Variants in TEX11 observed in about 807,000 individuals in gnomAD.
TEX11 encodes the protein testis-expressed protein 11.
TEX11 carries 7 observed loss-of-function variants against 84.4 expected under a neutral mutation model. The ratio of observed to expected loss-of-function variants is 0.08; its 90% CI spans 0.05 to 0.16. TEX11 has a LOEUF of 0.16. TEX11 is among the 10% of genes least tolerant of loss of function. TEX11 has a pLI of 1.00. For synonymous variants in TEX11, 264 were observed against 222.8 expected (o/e 1.18, Z -1.64); for missense variants, 551 against 660.5 (o/e 0.83, Z 1.82).
chrX:70,656,015 C>T (rs1328438551), intron 16 of TEX11, among the ~76,000 whole-genome samples: 1 of 110,279 alleles, frequency 9.1e-6, no homozygotes, highest in East Asian at 2.8e-4. Flanking sequence ...AAAGAAGAAA[C>T]ACAATTGTCA....
chrX:70,529,995 T>A lies in TEX11; in HGVS notation c.2525A>T (p.Asp842Val). ...DALSHISRTK[D>V]YPEMEILWLM... ...CCAGAGAATCTCCATTTCTGGGTAG[T>A]CTTTCTATAATCCAAGAACAGAAAT... Residue 842 changes from aspartate (D) to valine (V), a missense_variant, in exon 29 of 30, where the codon GAC becomes GTC. Coordinates refer to ENST00000374333, the MANE Select transcript of TEX11 (RefSeq NM_031276.3). 2.5e-6 allele frequency: 3 copies of A among 1,205,687 alleles called. No homozygotes were observed. The highest frequency in any genetic ancestry group is 3.4e-6 in the Non-Finnish European group (3 of 892,802).
intron 2 of TEX11, among the ~76,000 whole-genome samples, chrX:70,891,804 A>C (rs1488870673): frequency 8.9e-6 from 1 of 112,152 alleles, no homozygotes; most frequent in Non-Finnish European, 1.9e-5. Context: ...GTTGGAAAAC[A>C]CACTTCAGGA....
intron 8 of TEX11, among the ~76,000 whole-genome samples, chrX:70,818,873 G>A (rs766668294): frequency 1.3e-4 from 14 of 110,983 alleles, no homozygotes; most frequent in Non-Finnish European, 2.1e-4. Flanking sequence ...TTAGAAACAT[G>A]CAGCCTAACA....
chrX:70,825,695 G>T (rs1306915099), intron 8 of TEX11, among the ~76,000 whole-genome samples: 1 of 112,395 alleles, frequency 8.9e-6, no homozygotes, highest in Non-Finnish European at 1.9e-5. Flanking sequence ...AATCACTTTG[G>T]CCGGGTGTGG....
rs778761173 is a variant in TEX11 at position 70,873,482 on chromosome X, T to A, written c.160-175A>T. Among the ~76,000 whole-genome samples, 374 of 111,784 alleles carry A rather than the reference T, an allele frequency of 3.3e-3. 1 individual carries two copies. Among genetic ancestry groups the A allele is most frequent in the Non-Finnish European group, 5.9e-3 (315 of 53,189 alleles). ...AACTTACCCACTGTTAGAGTAATTA[T>A]CTATTTCCTGAACACAACTTGTTCA... On this transcript the variant is annotated intron_variant, in intron 3 of 29. Coordinates refer to ENST00000374333, the MANE Select transcript of TEX11 (RefSeq NM_031276.3).
intron 2 of TEX11, among the ~76,000 whole-genome samples, chrX:70,907,447 C>T (rs2091839814): frequency 9.1e-6 from 1 of 110,456 alleles, no homozygotes; most frequent in Non-Finnish European, 1.9e-5. Context: ...CACTCTGTCG[C>T]CCAGGCTGGA....
chrX:70,744,122 A>G, intron 10 of TEX11, 43 bp downstream of exon 10: 1 of 840,683 alleles, frequency 1.2e-6, no homozygotes, highest in Non-Finnish European at 1.6e-6. Context: ...AAAATAAAGC[A>G]GGTTATTCAA....
intron 16 of TEX11, among the ~76,000 whole-genome samples, chrX:70,669,740 T>G (rs2090006526): frequency 8.9e-6 from 1 of 112,959 alleles, no homozygotes; most frequent in Non-Finnish European, 1.9e-5. Flanking sequence ...ATATTTCATT[T>G]GGGTTCACAC....
chrX:70,547,924 T>C (rs1295607434), intron 28 of TEX11, among the ~76,000 whole-genome samples: 2 of 111,954 alleles, frequency 1.8e-5, no homozygotes, highest in Non-Finnish European at 3.8e-5. Flanking sequence ...ACTGGGTATA[T>C]ACCCAAAGGG....
chrX:70,609,424 C>T (rs959616191), intron 21 of TEX11, among the ~76,000 whole-genome samples: 1 of 112,007 alleles, frequency 8.9e-6, no homozygotes, highest in Non-Finnish European at 1.9e-5. Context: ...TTAATTAGTG[C>T]AATCATTCAC....
chrX:70,680,351 G>T (rs2090136465), intron 14 of TEX11, among the ~76,000 whole-genome samples: 1 of 90,273 alleles, frequency 1.1e-5, no homozygotes, highest in Non-Finnish European at 2.2e-5. Flanking sequence ...GGCGGTGCAA[G>T]ATGTGCTTTG....
intron 9 of TEX11, among the ~76,000 whole-genome samples, chrX:70,762,171 A>G: frequency 8.9e-6 from 1 of 112,111 alleles, no homozygotes; most frequent in Non-Finnish European, 1.9e-5. Flanking sequence ...GAGTACTTCA[A>G]TCAGAAAGAA....
At chrX:70,879,360 T>G (rs1379888073) in intron 3 of TEX11, among the ~76,000 whole-genome samples, 1 of 111,109 alleles carries the variant, frequency 9.0e-6, no homozygotes, top group Non-Finnish European at 1.9e-5. Flanking sequence ...TAGATACTTA[T>G]ATATATAAAG....
At chrX:70,748,225 T>A (rs1042794952) in intron 9 of TEX11, among the ~76,000 whole-genome samples, 3 of 110,557 alleles carry the variant, frequency 2.7e-5, no homozygotes, top group Non-Finnish European at 5.7e-5. Flanking sequence ...AATCGACACA[T>A]CCAAGAAGCT....
At chrX:70,679,416 G>A (rs1185284488) in intron 14 of TEX11, among the ~76,000 whole-genome samples, 1 of 102,091 alleles carries the variant, frequency 9.8e-6, no homozygotes, top group Non-Finnish European at 2.0e-5. Flanking sequence ...TGGGATGTGA[G>A]GAGCCCCTCT....
chrX:70,810,985 T>C (rs1262661841), intron 8 of TEX11, among the ~76,000 whole-genome samples: 2 of 111,481 alleles, frequency 1.8e-5, no homozygotes, highest in African/African-American at 6.5e-5. Flanking sequence ...CACTTAAAAT[T>C]TACAGAACAT....
chrX:70,740,589 A>T (rs1458325516), intron 11 of TEX11, 112 bp downstream of exon 11: 1 of 462,675 alleles, frequency 2.2e-6, no homozygotes, highest in Non-Finnish European at 3.6e-6. Flanking sequence ...AGAAGAGATT[A>T]TAACAATCTG....
intron 9 of TEX11, among the ~76,000 whole-genome samples, chrX:70,777,043 TA>T (rs1190856252): frequency 6.5e-5 from 7 of 108,112 alleles, no homozygotes; most frequent in African/African-American, 2.3e-4. Context: ...TTATTATTAT[TA>T]TTATTTTTTT....
intron 14 of TEX11, among the ~76,000 whole-genome samples, chrX:70,680,588 A>G (rs887788348): frequency 9.1e-6 from 1 of 109,730 alleles, no homozygotes; most frequent in Non-Finnish European, 1.9e-5. Flanking sequence ...TTAAAAAAAA[A>G]AAAAAAAAGA....
Sources: gnomAD v4.1 joint callset for allele counts (sites outside exome capture counted in the v4.1 genomes callset) on GRCh38, gnomAD v4.1.1 for gene constraint, MANE v1.5 for transcripts, NCBI Gene and HGNC (gene_info 2026-07-23, HGNC 2026-07-21) for gene names.